The following HDAC4 variants were observed in gnomAD, a reference collection of about 807,000 sequenced individuals.
HDAC4 encodes histone deacetylase 4.
Under a neutral mutation model 135.1 loss-of-function variants are expected in HDAC4, and 16 were observed. The ratio of observed to expected loss-of-function variants is 0.12; its 90% CI spans 0.08 to 0.18. The LOEUF (loss-of-function observed/expected upper bound fraction) is 0.18. Among genes scored for constraint, HDAC4 ranks in the 10% least tolerant of loss-of-function variants. The pLI is 1.00. For missense variants in HDAC4, 1,143 were observed against 1,511.8 expected (o/e 0.76, Z 4.05); for synonymous variants, 685 against 653.4 (o/e 1.05, Z -0.74).
intron 8 of HDAC4, among the ~76,000 whole-genome samples, chr2:239,140,305 G>C (rs375630879): frequency 6.6e-6 from 1 of 152,132 alleles, no homozygotes; most frequent in Non-Finnish European, 1.5e-5. Context: ...AGATCTATCC[G>C]TGCTACTGGA....
intron 5 of HDAC4, among the ~76,000 whole-genome samples, chr2:239,172,969 A>T (rs572212836): frequency 6.6e-6 from 1 of 152,364 alleles, no homozygotes; most frequent in African/African-American, 2.4e-5. Context: ...CCGGGGGGGA[A>T]AAATGTCCCA....
chr2:239,154,203 T>A (rs1335958328), intron 7 of HDAC4, among the ~76,000 whole-genome samples: 1 of 151,972 alleles, frequency 6.6e-6, no homozygotes, highest in Non-Finnish European at 1.5e-5. Context: ...GGGGAGTTTC[T>A]GGGAAGGCAC....
intron 2 of HDAC4, among the ~76,000 whole-genome samples, chr2:239,276,460 C>T (rs2050371268): frequency 6.6e-6 from 1 of 152,240 alleles, no homozygotes; most frequent in Non-Finnish European, 1.5e-5. Flanking sequence ...TTCAAAGCAG[C>T]CCTGACGGAC....
chr2:239,321,000 T>C (rs746378236), intron 2 of HDAC4, among the ~76,000 whole-genome samples: 4 of 152,266 alleles, frequency 2.6e-5, no homozygotes, highest in Non-Finnish European at 5.9e-5. Flanking sequence ...ATAACAACTG[T>C]CCTGTAATAA....
intron 3 of HDAC4, among the ~76,000 whole-genome samples, chr2:239,214,817 T>TG (rs1382296424): frequency 2.0e-5 from 3 of 152,246 alleles, no homozygotes; most frequent in Non-Finnish European, 2.9e-5. Flanking sequence ...AATGGGCAGC[T>TG]GCCAGTGCTG....
intron 1 of HDAC4, among the ~76,000 whole-genome samples, chr2:239,363,356 G>A (rs948851056): frequency 8.5e-5 from 13 of 152,182 alleles, no homozygotes; most frequent in Non-Finnish European, 1.9e-4. Context: ...AAACAAGCTT[G>A]GGGGACTCAC....
At chr2:239,199,881 C>A (rs117725867) in intron 3 of HDAC4, among the ~76,000 whole-genome samples, 1 of 152,144 alleles carries the variant, frequency 6.6e-6, no homozygotes, top group African/African-American at 2.4e-5. Context: ...CTACTACAGA[C>A]GCCAGCCACC....
At chr2:239,219,940 G>A (rs933749860) in intron 3 of HDAC4, among the ~76,000 whole-genome samples, 1 of 152,174 alleles carries the variant, frequency 6.6e-6, no homozygotes, top group African/African-American at 2.4e-5. Context: ...GTACACTCAC[G>A]GCAGAGCAAA....
At chr2:239,256,775 A>G (rs2049074382) in intron 2 of HDAC4, among the ~76,000 whole-genome samples, 1 of 152,228 alleles carries the variant, frequency 6.6e-6, no homozygotes, top group South Asian at 2.1e-4. Flanking sequence ...CTGACTTGTC[A>G]CCCTTCAGAT....
chr2:239,222,858 G>A (rs965930444), intron 3 of HDAC4, among the ~76,000 whole-genome samples: 3 of 152,150 alleles, frequency 2.0e-5, no homozygotes, highest in Non-Finnish European at 2.9e-5. Context: ...TATCACAGAC[G>A]GGAGATGCAG....
chr2:239,116,319 C>T (rs1294032862), intron 12 of HDAC4, among the ~76,000 whole-genome samples: 3 of 149,158 alleles, frequency 2.0e-5, no homozygotes, highest in East Asian at 3.9e-4. Context: ...GGTCCAATGC[C>T]GAACGCAGGG....
intron 7 of HDAC4, among the ~76,000 whole-genome samples, chr2:239,147,671 A>T (rs2041853856): frequency 6.6e-6 from 1 of 152,270 alleles, no homozygotes; most frequent in Admixed American, 6.5e-5. Context: ...CTCATGGAAG[A>T]GTTGCTCCCA....
At chr2:239,377,174 C>T (rs1335917061) in intron 1 of HDAC4, among the ~76,000 whole-genome samples, 1 of 152,204 alleles carries the variant, frequency 6.6e-6, no homozygotes, top group Non-Finnish European at 1.5e-5. Context: ...TACCTCTGCT[C>T]ACTCTGACTC....
chr2:239,196,071 T>C (rs974742788), intron 3 of HDAC4, among the ~76,000 whole-genome samples: 7 of 152,070 alleles, frequency 4.6e-5, no homozygotes, highest in African/African-American at 1.7e-4. Flanking sequence ...GAATGACTCA[T>C]TCAAATCAAG....
At chr2:239,344,635 C>G (rs1454228965) in intron 2 of HDAC4, among the ~76,000 whole-genome samples, 1 of 152,182 alleles carries the variant, frequency 6.6e-6, no homozygotes, top group Non-Finnish European at 1.5e-5. Context: ...ATGGAGAATC[C>G]AGGCTAGTGA....
At chr2:239,170,194 A>G (rs566804205) in intron 5 of HDAC4, among the ~76,000 whole-genome samples, 1 of 152,370 alleles carries the variant, frequency 6.6e-6, no homozygotes, top group African/African-American at 2.4e-5. Flanking sequence ...ATGTACTCTT[A>G]GGAAAAATAT....
intron 1 of HDAC4, among the ~76,000 whole-genome samples, chr2:239,376,277 C>G: frequency 6.6e-6 from 1 of 151,390 alleles, no homozygotes; most frequent in Non-Finnish European, 1.5e-5. Context: ...GCTCACAACC[C>G]TCCACCATCC....
intron 4 of HDAC4, among the ~76,000 whole-genome samples, chr2:239,177,956 C>T (rs1271909364): frequency 6.6e-6 from 1 of 152,224 alleles, no homozygotes; most frequent in Non-Finnish European, 1.5e-5. Context: ...CTGAGAGGGA[C>T]TCCCGCAAAC....
intron 2 of HDAC4, among the ~76,000 whole-genome samples, chr2:239,277,800 G>A (rs537123454): frequency 7.9e-5 from 12 of 152,276 alleles, no homozygotes; most frequent in African/African-American, 2.4e-4. Context: ...CACCCGGGCC[G>A]GGACCCAGGC....
Sources: gnomAD v4.1 joint callset for allele counts (sites outside exome capture counted in the v4.1 genomes callset) on GRCh38, gnomAD v4.1.1 for gene constraint, MANE v1.5 for transcripts, NCBI Gene and HGNC (gene_info 2026-07-23, HGNC 2026-07-21) for gene names.